SGCZ: variants seen among roughly 807,000 people sequenced by gnomAD.
SGCZ encodes the protein sarcoglycan zeta, also known as zeta-sarcoglycan.
Under a neutral mutation model 41.3 loss-of-function variants are expected in SGCZ, and 40 were observed. The ratio of observed to expected loss-of-function variants is 0.97; its 90% CI spans 0.75 to 1.26. The LOEUF is 1.26. Among genes scored for constraint, SGCZ ranks in the 50% most tolerant of loss-of-function variants. SGCZ has a pLI of 0.00. For synonymous variants in SGCZ, 206 were observed against 137.5 expected (o/e 1.50, Z -3.49); for missense variants, 552 against 369.8 (o/e 1.49, Z -4.04).
At position 14,088,497 on chromosome 8, in the gene SGCZ, G is replaced by A. The variant is rs1236388087; in HGVS notation, c.*1946C>T. Among the ~76,000 whole-genome samples, 2 of 151,596 alleles carry A rather than the reference G, an allele frequency of 1.3e-5. No individual in the cohort carries two copies. The highest frequency in any genetic ancestry group is 4.8e-5 in the African/African-American group (2 of 41,338). ...CACACATAATTTCTCAATATTTCTTGTATTATACTTTATTTTGCAAAGACC... is the reference window on the plus strand; with the variant it reads ...CACACATAATTTCTCAATATTTCTTATATTATACTTTATTTTGCAAAGACC... On this transcript the variant is annotated 3_prime_UTR_variant, in exon 8 of 8. Coordinates refer to ENST00000382080, the MANE Select transcript of SGCZ (RefSeq NM_139167.4).
At chr8:14,609,056 T>C in intron 1 of SGCZ, among the ~76,000 whole-genome samples, 1 of 152,190 alleles carries the variant, frequency 6.6e-6, no homozygotes, top group Non-Finnish European at 1.5e-5. Flanking sequence ...AAAAAAGCAA[T>C]CAAATATTTG....
chr8:14,372,437 T>A (rs758629201), intron 2 of SGCZ, among the ~76,000 whole-genome samples: 20 of 152,096 alleles, frequency 1.3e-4, no homozygotes, highest in Admixed American at 3.9e-4. Flanking sequence ...GAAGTGAGCA[T>A]GAGAGGATTT....
chr8:14,538,886 G>A (rs1257685437), intron 2 of SGCZ, among the ~76,000 whole-genome samples: 1 of 151,828 alleles, frequency 6.6e-6, no homozygotes, highest in Non-Finnish European at 1.5e-5. Flanking sequence ...AATAGGAAGG[G>A]TGGATTTGAA....
chr8:14,377,664 T>C (rs1804183734), intron 2 of SGCZ, among the ~76,000 whole-genome samples: 2 of 152,090 alleles, frequency 1.3e-5, no homozygotes, highest in Middle Eastern at 3.4e-3. Context: ...TATCTCCCAA[T>C]ACTATCCCTC....
intron 1 of SGCZ, among the ~76,000 whole-genome samples, chr8:15,018,717 G>T (rs1585478892): frequency 6.6e-6 from 1 of 152,324 alleles, no homozygotes; most frequent in East Asian, 1.9e-4. Context: ...GAAGCCACTG[G>T]AAGGTTGTAG....
chr8:15,195,173 T>C (rs1451640092), intron 1 of SGCZ, among the ~76,000 whole-genome samples: 3 of 152,170 alleles, frequency 2.0e-5, no homozygotes, highest in Non-Finnish European at 4.4e-5. Context: ...CTTATCTAGA[T>C]CCCACTTCTT....
Position 14,146,276 on chromosome 8 carries a change from T to C in SGCZ, c.547+18304A>G, listed in dbSNP as rs537045223. Among the ~76,000 whole-genome samples, 10 of 151,882 alleles carry C rather than the reference T, an allele frequency of 6.6e-5. No homozygotes were observed. The South Asian group carries it at 1.9e-3, about 28-fold the overall frequency. On this transcript the variant is annotated intron_variant, in intron 5 of 7. Coordinates refer to ENST00000382080, the MANE Select transcript of SGCZ (RefSeq NM_139167.4). The stretch of plus-strand genomic sequence containing the variant: ...TGGAAACTTACAGGCTGGGAGAGAG[T>C]GGTATGACATATCTCAAGTGCTGAA...
chr8:15,159,246 A>T (rs971996010), intron 1 of SGCZ, among the ~76,000 whole-genome samples: 27 of 152,198 alleles, frequency 1.8e-4, no homozygotes, highest in African/African-American at 6.3e-4. Flanking sequence ...TGGTCCACGG[A>T]GAGCAGGCAT....
chr8:14,606,085 AT>A (rs1805739591), intron 1 of SGCZ, among the ~76,000 whole-genome samples: 1 of 152,142 alleles, frequency 6.6e-6, no homozygotes, highest in African/African-American at 2.4e-5. Context: ...ACACTAATAT[AT>A]CCATATTTCT....
At chr8:15,044,820 G>A (rs1183835902) in intron 1 of SGCZ, among the ~76,000 whole-genome samples, 2 of 152,040 alleles carry the variant, frequency 1.3e-5, no homozygotes, top group African/African-American at 4.8e-5. Flanking sequence ...CTTGAGTGAA[G>A]ACAAGAAATT....
rs1414632698 is a variant in SGCZ, at chr8:14,088,879, C to A, written c.*1564G>T. ...CTCCCAGTTCACTCTGAGCTGTAGACACCTGAACTCCAAAGACTCTACAGC... is the reference window on the plus strand; with the variant it reads ...CTCCCAGTTCACTCTGAGCTGTAGAAACCTGAACTCCAAAGACTCTACAGC... On this transcript the variant is annotated 3_prime_UTR_variant, in exon 8 of 8. Transcript: ENST00000382080. 1.3e-5 allele frequency among the ~76,000 whole-genome samples: 2 copies of A among 151,914 alleles called. No individual in the cohort carries two copies. The highest frequency in any genetic ancestry group is 1.5e-5 in the Non-Finnish European group (1 of 67,918).
At chr8:14,927,021 A>G (rs1414958031) in intron 1 of SGCZ, among the ~76,000 whole-genome samples, 1 of 151,706 alleles carries the variant, frequency 6.6e-6, no homozygotes, top group African/African-American at 2.4e-5. Context: ...GACACAGTAT[A>G]TAGTCTTTCA....
intron 1 of SGCZ, among the ~76,000 whole-genome samples, chr8:14,921,240 C>T (rs557644181): frequency 6.6e-6 from 1 of 152,280 alleles, no homozygotes; most frequent in South Asian, 2.1e-4. Context: ...CAAATCTCCA[C>T]ATCAATGCCT....
chr8:14,105,414 C>A (rs1045820966), intron 6 of SGCZ, among the ~76,000 whole-genome samples: 10 of 152,038 alleles, frequency 6.6e-5, no homozygotes. Flanking sequence ...TACTTACTCC[C>A]TAAATTAACA....
At chr8:14,473,919 C>G (rs1012722648) in intron 2 of SGCZ, among the ~76,000 whole-genome samples, 2 of 138,190 alleles carry the variant, frequency 1.4e-5, no homozygotes, top group Non-Finnish European at 3.0e-5. Context: ...GCCTGGGCGA[C>G]AGAGCAAGAC....
chr8:14,610,181 G>A (rs1018742252), intron 1 of SGCZ, among the ~76,000 whole-genome samples: 1 of 152,026 alleles, frequency 6.6e-6, no homozygotes, highest in Non-Finnish European at 1.5e-5. Context: ...CAGAATAAGT[G>A]GCCCCAACCT....
rs539983774 is a variant in SGCZ at position 14,312,517 on chromosome 8, G to T, written c.336+11586C>A. Among the ~76,000 whole-genome samples the T allele has an allele frequency of 2.0e-5, 3 of 152,212 alleles. No individual in the cohort carries two copies. The East Asian group carries it at 5.8e-4, about 29-fold the overall frequency. ...GCTTGTAATCCTAGCTACTTGGAAA[G>T]CTGAGTCAGGAGGGCTGCTTGAGGC... On this transcript the variant is annotated intron_variant, in intron 3 of 7. Transcript: ENST00000382080.
At chr8:15,139,768 C>T (rs1808253889) in intron 1 of SGCZ, among the ~76,000 whole-genome samples, 1 of 152,168 alleles carries the variant, frequency 6.6e-6, no homozygotes, top group African/African-American at 2.4e-5. Flanking sequence ...TACACCTCTC[C>T]ATTTCTCACT....
chr8:15,025,122 A>T (rs942938425), intron 1 of SGCZ, among the ~76,000 whole-genome samples: 3 of 152,020 alleles, frequency 2.0e-5, no homozygotes, highest in Non-Finnish European at 4.4e-5. Flanking sequence ...CATAATGTTT[A>T]TGAATCAAAT....
Sources: gnomAD v4.1 joint callset for allele counts (sites outside exome capture counted in the v4.1 genomes callset) on GRCh38, gnomAD v4.1.1 for gene constraint, MANE v1.5 for transcripts, NCBI Gene and HGNC (gene_info 2026-07-23, HGNC 2026-07-21) for gene names.